Variants in SHISA9 observed in about 807,000 individuals in gnomAD.
SHISA9 encodes protein shisa-9.
SHISA9 carries 13 observed loss-of-function variants against 38.0 expected under a neutral mutation model. The observed-to-expected ratio is 0.34, with a 90% CI of 0.22 to 0.54. SHISA9 has a LOEUF of 0.54. Ranked by LOEUF, SHISA9 falls within the 20% of genes least tolerant of loss-of-function variation. SHISA9 has a pLI of 0.91. For missense variants in SHISA9, 538 were observed against 575.8 expected (o/e 0.93, Z 0.67); for synonymous variants, 275 against 242.0 (o/e 1.14, Z -1.27).
the SHISA9 span, among the ~76,000 whole-genome samples, chr16:13,555,901 C>T: frequency 6.6e-6 from 1 of 152,208 alleles, no homozygotes; most frequent in African/African-American, 2.4e-5. Context: ...TATCTAGGTT[C>T]AGTTCCTCAC....
At chr16:13,073,609 T>C (rs1184252323) in intron 2 of SHISA9, among the ~76,000 whole-genome samples, 1 of 152,182 alleles carries the variant, frequency 6.6e-6, no homozygotes, top group Non-Finnish European at 1.5e-5. Flanking sequence ...CAAAAAGACA[T>C]GTCCATCTAG....
chr16:13,195,930 A>C (rs565789046), intron 2 of SHISA9, among the ~76,000 whole-genome samples: 1 of 151,842 alleles, frequency 6.6e-6, no homozygotes, highest in East Asian at 1.9e-4. Context: ...TCTACTAAAA[A>C]TAAAAAAATT....
At chr16:13,115,843 C>T (rs961227595) in intron 2 of SHISA9, among the ~76,000 whole-genome samples, 4 of 152,218 alleles carry the variant, frequency 2.6e-5, no homozygotes, top group African/African-American at 9.6e-5. Context: ...CAATTCCTTC[C>T]AACACTGACT....
At chr16:13,059,032 C>A (rs985759393) in intron 2 of SHISA9, among the ~76,000 whole-genome samples, 3 of 151,700 alleles carry the variant, frequency 2.0e-5, no homozygotes, top group African/African-American at 4.9e-5. Context: ...ATGGTGTGTT[C>A]CCCCAACTCC....
chr16:13,035,349 A>C (rs1486573895), intron 2 of SHISA9, among the ~76,000 whole-genome samples: 1 of 152,138 alleles, frequency 6.6e-6, no homozygotes, highest in Non-Finnish European at 1.5e-5. Flanking sequence ...AGTTGGTTTG[A>C]GAAAACATGG....
chr16:13,516,791 C>T, the SHISA9 span, among the ~76,000 whole-genome samples: 1 of 75,122 alleles, frequency 1.3e-5, no homozygotes, highest in African/African-American at 4.7e-5. Context: ...GAGCAAGATT[C>T]CATCCCAAAA....
the SHISA9 span, among the ~76,000 whole-genome samples, chr16:13,363,156 C>G: frequency 2.6e-5 from 4 of 152,180 alleles, no homozygotes; most frequent in Admixed American, 1.3e-4. Context: ...TATGGGTAAA[C>G]AAGCATTGAA....
At chr16:12,913,823 G>A (rs529000672) in intron 1 of SHISA9, among the ~76,000 whole-genome samples, 1 of 152,036 alleles carries the variant, frequency 6.6e-6, no homozygotes, top group Non-Finnish European at 1.5e-5. Flanking sequence ...ATTCATTTAC[G>A]TTGTAGCAGG....
intron 2 of SHISA9, among the ~76,000 whole-genome samples, chr16:13,151,424 A>T (rs891577513): frequency 3.9e-5 from 6 of 152,158 alleles, no homozygotes; most frequent in Non-Finnish European, 7.4e-5. Context: ...TTTTCAAGGG[A>T]TCACAACCTC....
intron 2 of SHISA9, among the ~76,000 whole-genome samples, chr16:13,001,883 A>G (rs2072530427): frequency 6.6e-6 from 1 of 152,208 alleles, no homozygotes; most frequent in Non-Finnish European, 1.5e-5. Flanking sequence ...GGGTAGATGA[A>G]TAAATAGGTG....
chr16:13,512,088 A>G, the SHISA9 span, among the ~76,000 whole-genome samples: 1 of 152,212 alleles, frequency 6.6e-6, no homozygotes. Context: ...TCCATAACAA[A>G]GCATAAAAGC....
intron 2 of SHISA9, among the ~76,000 whole-genome samples, chr16:12,918,750 A>G (rs1213011658): frequency 6.6e-6 from 1 of 152,244 alleles, no homozygotes; most frequent in Non-Finnish European, 1.5e-5. Flanking sequence ...GCACTAGACT[A>G]GAGAATTCCT....
chr16:13,355,933 G>C, the SHISA9 span, among the ~76,000 whole-genome samples: 1 of 152,192 alleles, frequency 6.6e-6, no homozygotes, highest in African/African-American at 2.4e-5. Context: ...TGAACAGTCC[G>C]ATTTTCAGTG....
chr16:12,967,963 G>A (rs900372788), intron 2 of SHISA9, among the ~76,000 whole-genome samples: 2 of 152,112 alleles, frequency 1.3e-5, no homozygotes, highest in African/African-American at 4.8e-5. Flanking sequence ...GCTGAGGCAG[G>A]TAGATCACCT....
intron 2 of SHISA9, among the ~76,000 whole-genome samples, chr16:13,083,112 C>A (rs2073671551): frequency 6.6e-6 from 1 of 152,118 alleles, no homozygotes. Context: ...AGGGGAGGGG[C>A]AGCCAACAGT....
chr16:13,478,280 T>A, the SHISA9 span, among the ~76,000 whole-genome samples: 1 of 150,406 alleles, frequency 6.6e-6, no homozygotes, highest in African/African-American at 2.5e-5. Context: ...TCTCCAAAGC[T>A]CACCTCTTAG....
At chr16:13,550,044 T>C in the SHISA9 span, among the ~76,000 whole-genome samples, 1 of 149,680 alleles carries the variant, frequency 6.7e-6, no homozygotes, top group Non-Finnish European at 1.5e-5. Flanking sequence ...AAATAAAGTA[T>C]ATATATTAGA....
intron 2 of SHISA9, among the ~76,000 whole-genome samples, chr16:12,954,089 G>C (rs532712016): frequency 1.5e-4 from 23 of 152,294 alleles, no homozygotes; most frequent in African/African-American, 5.5e-4. Context: ...CCACTCAGCA[G>C]AAGTGGCGAG....
At chr16:13,150,408 A>G (rs1043091182) in intron 2 of SHISA9, among the ~76,000 whole-genome samples, 2 of 152,084 alleles carry the variant, frequency 1.3e-5, no homozygotes, top group Non-Finnish European at 1.5e-5. Flanking sequence ...GGTGACGTCC[A>G]TGTCTCCCAA....
Sources: gnomAD v4.1 joint callset for allele counts (sites outside exome capture counted in the v4.1 genomes callset) on GRCh38, gnomAD v4.1.1 for gene constraint, MANE v1.5 for transcripts, NCBI Gene and HGNC (gene_info 2026-07-23, HGNC 2026-07-21) for gene names.